The following WDPCP variants were observed in gnomAD, a reference collection of about 807,000 sequenced individuals.
WDPCP encodes the protein WD repeat containing planar cell polarity effector.
In WDPCP, 71 loss-of-function variants were observed where a neutral mutation model predicts 93.1. The ratio of observed to expected loss-of-function variants is 0.76; its 90% CI spans 0.63 to 0.93. WDPCP has a LOEUF of 0.93. WDPCP is among the 40% of genes least tolerant of loss of function. WDPCP has a pLI of 0.00. For synonymous variants in WDPCP, 315 were observed against 315.0 expected (o/e 1.00, Z 0.00); for missense variants, 844 against 887.4 (o/e 0.95, Z 0.62).
intron 12 of WDPCP, chr2:63,368,935 C>G (rs1009211354): frequency 1.3e-5 from 2 of 152,586 alleles, no homozygotes; most frequent in African/African-American, 4.8e-5. Flanking sequence ...TATATTTTCT[C>G]TGCATGTTTC....
chr2:63,526,137 A>C (rs1558755430), intron 1 of WDPCP, among the ~76,000 whole-genome samples: 1 of 152,086 alleles, frequency 6.6e-6, no homozygotes, highest in African/African-American at 2.4e-5. Flanking sequence ...CAGAGGAGGA[A>C]CTGAGAAAAA....
At chr2:63,840,606 G>C in the WDPCP span, among the ~76,000 whole-genome samples, 3 of 152,240 alleles carry the variant, frequency 2.0e-5, no homozygotes, top group African/African-American at 4.8e-5. Context: ...AGCGTCCCCT[G>C]AGAAGCGTCT....
At chr2:63,377,621 A>G (rs1047588617) in intron 12 of WDPCP, among the ~76,000 whole-genome samples, 1 of 151,472 alleles carries the variant, frequency 6.6e-6, no homozygotes, top group Admixed American at 6.6e-5. Flanking sequence ...AGGCTATTAT[A>G]TGCTTATTTT....
chr2:63,463,932 G>A (rs1699188461), intron 6 of WDPCP, among the ~76,000 whole-genome samples: 1 of 152,106 alleles, frequency 6.6e-6, no homozygotes. Context: ...AGAAAAGAGA[G>A]GAAAAGCTTT....
At chr2:63,278,433 C>T (rs1018351597) in intron 13 of WDPCP, among the ~76,000 whole-genome samples, 7 of 117,678 alleles carry the variant, frequency 5.9e-5, no homozygotes, top group East Asian at 2.7e-4. Context: ...TAAATGAAAT[C>T]GATTGAAACA....
At chr2:63,398,180 A>G (rs1407074782) in intron 10 of WDPCP, among the ~76,000 whole-genome samples, 1 of 152,164 alleles carries the variant, frequency 6.6e-6, no homozygotes, top group Admixed American at 6.6e-5. Context: ...ATGAACTGAC[A>G]AAAGGTGAGA....
chr2:63,664,427 C>T (rs1008399559), intron 2 of WDPCP, among the ~76,000 whole-genome samples: 13 of 152,192 alleles, frequency 8.5e-5, no homozygotes, highest in African/African-American at 2.4e-4. Flanking sequence ...GCACTACCAT[C>T]AGCTCTGCTG....
At chr2:63,646,648 A>G (rs1000659650) in intron 3 of WDPCP, among the ~76,000 whole-genome samples, 2 of 151,854 alleles carry the variant, frequency 1.3e-5, no homozygotes, top group Non-Finnish European at 2.9e-5. Context: ...TTTCTCCTTC[A>G]TGTTTGAAGG....
At chr2:63,161,278 T>C (rs1280238279) in intron 15 of WDPCP, among the ~76,000 whole-genome samples, 1 of 152,258 alleles carries the variant, frequency 6.6e-6, no homozygotes, top group South Asian at 2.1e-4. Flanking sequence ...TATTTAGTTA[T>C]AATTTTTGCA....
In WDPCP at chr2:63,187,747, A is replaced by G. The variant is rs912930702; in HGVS notation, c.1916-12915T>C. ...ATATACAAGAATTAAAAGTGGATTTATGCACTAGAATTACAATATAGGATT... is the reference window on the plus strand; with the variant it reads ...ATATACAAGAATTAAAAGTGGATTTGTGCACTAGAATTACAATATAGGATT... On this transcript the variant is annotated intron_variant, in intron 14 of 17. Transcript: ENST00000272321. 1.1e-4 allele frequency among the ~76,000 whole-genome samples: 16 copies of G among 152,316 alleles called. No individual in the cohort carries two copies. The East Asian group carries it at 3.1e-3, about 29-fold the overall frequency.
intron 2 of WDPCP, among the ~76,000 whole-genome samples, chr2:63,709,535 A>C (rs1158422797): frequency 6.6e-6 from 1 of 152,194 alleles, no homozygotes. Context: ...CATTAAACTT[A>C]TGGAAACTTC....
At chr2:63,400,204 G>A (rs531549370) in intron 10 of WDPCP, among the ~76,000 whole-genome samples, 7 of 152,156 alleles carry the variant, frequency 4.6e-5, no homozygotes, top group Non-Finnish European at 8.8e-5. Flanking sequence ...GGCACAGCTA[G>A]TAATGCAAAG....
chr2:63,806,010 A>G (rs1670757787), intron 2 of WDPCP, among the ~76,000 whole-genome samples: 1 of 152,168 alleles, frequency 6.6e-6, no homozygotes, highest in Non-Finnish European at 1.5e-5. Context: ...GTCCCAGGGC[A>G]GCCTGAGGTG....
chr2:63,433,611 A>C (rs1696922279), intron 9 of WDPCP, 134 bp downstream of exon 9: 1 of 982,026 alleles, frequency 1.0e-6, no homozygotes, highest in South Asian at 1.9e-5. Flanking sequence ...TATCTTCTAG[A>C]TATGATACTT....
At chr2:63,641,231 C>G (rs1451513968) in intron 3 of WDPCP, among the ~76,000 whole-genome samples, 1 of 152,140 alleles carries the variant, frequency 6.6e-6, no homozygotes, top group Non-Finnish European at 1.5e-5. Context: ...GAGGGACACT[C>G]GGGTTGCTTC....
chr2:63,806,967 CT>C (rs1670775981), intron 2 of WDPCP, among the ~76,000 whole-genome samples: 1 of 152,130 alleles, frequency 6.6e-6, no homozygotes, highest in Non-Finnish European at 1.5e-5. Flanking sequence ...AATATACATC[CT>C]CCTCAGCTGA....
At chr2:63,166,067 TTTTAA>T (rs1016447545) in intron 15 of WDPCP, among the ~76,000 whole-genome samples, 9 of 151,992 alleles carry the variant, frequency 5.9e-5, no homozygotes, top group Admixed American at 4.6e-4. Context: ...TTAATTTTAA[TTTTAA>T]TTTTTTTATT....
chr2:63,228,998 G>A (rs1678576913), intron 14 of WDPCP: 1 of 152,152 alleles, frequency 6.6e-6, no homozygotes, highest in Non-Finnish European at 1.5e-5. Flanking sequence ...GATCCCTGAG[G>A]AATCGCCACA....
intron 3 of WDPCP, among the ~76,000 whole-genome samples, chr2:63,617,167 T>C (rs943572384): frequency 2.0e-5 from 3 of 152,158 alleles, no homozygotes; most frequent in Admixed American, 1.3e-4. Flanking sequence ...CTTGCAGCCA[T>C]AAGAGATAAT....
Sources: allele counts gnomAD v4.1 joint callset (sites outside exome capture counted in the v4.1 genomes callset), GRCh38; gene constraint gnomAD v4.1.1; transcripts MANE v1.5; gene names NCBI Gene and HGNC (gene_info 2026-07-23, HGNC 2026-07-21).